LRP1B: variants seen among roughly 807,000 people sequenced by gnomAD.
The protein encoded by LRP1B is low-density lipoprotein receptor-related protein 1B.
A neutral mutation model predicts 556.6 loss-of-function variants in LRP1B; 217 were observed. The ratio of observed to expected loss-of-function variants is 0.39; its 90% confidence interval spans 0.35 to 0.44. The LOEUF (loss-of-function observed/expected upper bound fraction) is 0.44, where lower values mean the gene tolerates loss of function less well. Ranked by LOEUF, LRP1B falls within the 20% of genes least tolerant of loss-of-function variation. LRP1B has a pLI of 1.00. For synonymous variants in LRP1B, 2,047 were observed against 1,865.8 expected (o/e 1.10, Z -2.50); for missense variants, 5,053 against 5,620.8 (o/e 0.90, Z 3.23).
chr2:141,151,132 G>A (rs1701914022), intron 7 of LRP1B, among the ~76,000 whole-genome samples: 1 of 152,098 alleles, frequency 6.6e-6, no homozygotes, highest in South Asian at 2.1e-4. Context: ...AATTATCCAT[G>A]CCTTAAAATA....
At position 140,951,757 on chromosome 2, in the gene LRP1B, T is replaced by A. The variant is rs1417220588; in HGVS notation, c.2968+103A>T. 3 of 825,330 alleles carry A rather than the reference T, an allele frequency of 3.6e-6. No individual in the cohort carries two copies. In the African/African-American group the frequency reaches 5.1e-5, roughly 14 times the overall value. 51.1% of individuals were successfully genotyped at this position (825,330 alleles called of 1,614,324 possible). Reference sequence around the variant, plus strand: ...ACTTGTTTTAGCCGTTTTTCTTGGCTCTGCAAGATTCCCCTACAAAGTACC... The same window carrying A: ...ACTTGTTTTAGCCGTTTTTCTTGGCACTGCAAGATTCCCCTACAAAGTACC... On this transcript the variant is annotated intron_variant, in intron 19 of 90. Transcript: ENST00000389484.
At chr2:140,407,397 T>C (rs1464851344) in intron 66 of LRP1B, among the ~76,000 whole-genome samples, 2 of 151,650 alleles carry the variant, frequency 1.3e-5, no homozygotes, top group African/African-American at 4.8e-5. Flanking sequence ...CAGAAAACCA[T>C]AGAATAAGAG....
At chr2:141,040,598 G>A (rs12620060) in intron 11 of LRP1B, among the ~76,000 whole-genome samples, 16,669 of 151,960 alleles carry the variant, frequency 0.11, 1,018 homozygotes, top group African/African-American at 0.14. Context: ...TCTGAAGTGG[G>A]TCTTAAGCTG....
At chr2:141,886,359 A>G (rs902982219) in intron 1 of LRP1B, among the ~76,000 whole-genome samples, 3 of 152,176 alleles carry the variant, frequency 2.0e-5, no homozygotes, top group Non-Finnish European at 4.4e-5. Flanking sequence ...TAAAAATTAT[A>G]CTCATGATTT....
At chr2:142,056,311 T>C (rs919221440) in intron 1 of LRP1B, among the ~76,000 whole-genome samples, 2 of 150,982 alleles carry the variant, frequency 1.3e-5, no homozygotes, top group East Asian at 3.9e-4. Context: ...GGAAAAAAGA[T>C]ATAGTGTGCA....
intron 7 of LRP1B, among the ~76,000 whole-genome samples, chr2:141,116,955 C>T (rs1242876950): frequency 6.6e-6 from 1 of 152,058 alleles, no homozygotes; most frequent in Non-Finnish European, 1.5e-5. Flanking sequence ...ACTTGTATAA[C>T]TTTGTTAGTT....
chr2:140,383,837 C>T (rs995811230), intron 67 of LRP1B, among the ~76,000 whole-genome samples: 5 of 152,138 alleles, frequency 3.3e-5, no homozygotes, highest in Admixed American at 3.3e-4. Context: ...AAGAGAACCA[C>T]ACATAATTGG....
intron 3 of LRP1B, among the ~76,000 whole-genome samples, chr2:141,361,975 G>A (rs190301935): frequency 4.2e-4 from 64 of 152,240 alleles, no homozygotes; most frequent in African/African-American, 1.5e-3. Flanking sequence ...TGGAAGGATT[G>A]TTTTCTGATA....
At chr2:141,849,461 C>A (rs370467431) in intron 1 of LRP1B, among the ~76,000 whole-genome samples, 3 of 151,708 alleles carry the variant, frequency 2.0e-5, no homozygotes, top group African/African-American at 7.2e-5. Context: ...GCCCAAATAT[C>A]TAAAGTTTTA....
chr2:141,884,249 G>T (rs1470875511), intron 1 of LRP1B, among the ~76,000 whole-genome samples: 1 of 152,062 alleles, frequency 6.6e-6, no homozygotes, highest in Non-Finnish European at 1.5e-5. Context: ...GGTAGCATGT[G>T]CCTGTAGTCC....
At chr2:142,081,277 G>A (rs1430182286) in intron 1 of LRP1B, among the ~76,000 whole-genome samples, 1 of 152,000 alleles carries the variant, frequency 6.6e-6, no homozygotes, top group Non-Finnish European at 1.5e-5. Flanking sequence ...AAATACTTGA[G>A]GAATAAACCA....
At chr2:140,749,792 A>G (rs1233957213) in intron 35 of LRP1B, among the ~76,000 whole-genome samples, 1 of 152,188 alleles carries the variant, frequency 6.6e-6, no homozygotes, top group Non-Finnish European at 1.5e-5. Flanking sequence ...TAATACATAA[A>G]CCAGTAACAT....
intron 7 of LRP1B, among the ~76,000 whole-genome samples, chr2:141,173,659 G>T (rs556852977): frequency 1.3e-5 from 2 of 152,164 alleles, no homozygotes; most frequent in African/African-American, 4.8e-5. Context: ...TCTTCACTTG[G>T]TGTGGGTAGG....
chr2:140,352,871 G>A (rs16843835), intron 76 of LRP1B, 82 bp downstream of exon 76: 170,095 of 1,345,638 alleles, frequency 0.13, 11,927 homozygotes, highest in African/African-American at 0.26. Flanking sequence ...GCTGTTGCTG[G>A]AATGAAATAT....
At chr2:140,957,029 T>C (rs1695894256) in intron 18 of LRP1B, among the ~76,000 whole-genome samples, 1 of 151,598 alleles carries the variant, frequency 6.6e-6, no homozygotes, top group Admixed American at 6.6e-5. Context: ...CAATATTGAG[T>C]ATTCTCATTT....
intron 1 of LRP1B, among the ~76,000 whole-genome samples, chr2:141,982,652 A>G (rs1702075753): frequency 6.6e-6 from 1 of 152,232 alleles, no homozygotes; most frequent in African/African-American, 2.4e-5. Flanking sequence ...AATCTAAGAA[A>G]AGGAAAACAC....
At chr2:140,756,801 AG>A (rs1688755351) in intron 35 of LRP1B, among the ~76,000 whole-genome samples, 1 of 152,168 alleles carries the variant, frequency 6.6e-6, no homozygotes, top group African/African-American at 2.4e-5. Context: ...AAGCAACAAA[AG>A]AAACAAATAG....
At chr2:140,807,335 G>A (rs1463197328) in intron 32 of LRP1B, among the ~76,000 whole-genome samples, 2 of 151,580 alleles carry the variant, frequency 1.3e-5, no homozygotes, top group Non-Finnish European at 1.5e-5. Flanking sequence ...TTTTAAATTT[G>A]TGTTTATTTA....
At chr2:140,678,102 A>G (rs1351666895) in intron 41 of LRP1B, among the ~76,000 whole-genome samples, 1 of 152,110 alleles carries the variant, frequency 6.6e-6, no homozygotes, top group East Asian at 1.9e-4. Flanking sequence ...TAGAGTCTAG[A>G]TTCTTAATCA....
Sources: allele counts gnomAD v4.1 joint callset (sites outside exome capture counted in the v4.1 genomes callset), GRCh38; gene constraint gnomAD v4.1.1; transcripts MANE v1.5; gene names NCBI Gene and HGNC (gene_info 2026-07-23, HGNC 2026-07-21).